Variants in TANC1 observed in about 807,000 individuals in gnomAD.
The protein encoded by TANC1 is protein TANC1.
Under a neutral mutation model 149.7 loss-of-function variants are expected in TANC1, and 77 were observed. That is an observed-to-expected ratio of 0.51 (90% CI 0.43 to 0.62). The LOEUF (loss-of-function observed/expected upper bound fraction) is 0.62, where lower values mean the gene tolerates loss of function less well. Ranked by LOEUF, TANC1 falls within the 20% of genes least tolerant of loss-of-function variation. The probability of loss-of-function intolerance (pLI) is 0.00; values close to 1 mark genes in which losing one functional copy is unlikely to be tolerated. For synonymous variants in TANC1, 854 were observed against 925.0 expected, an observed-to-expected ratio of 0.92 and a Z score of 1.39; for missense variants, 1,985 against 2,321.8, an observed-to-expected ratio of 0.85 and a Z score of 2.98.
intron 1 of TANC1, among the ~76,000 whole-genome samples, chr2:158,996,768 G>T (rs950942148): frequency 6.6e-6 from 1 of 152,138 alleles, no homozygotes; most frequent in East Asian, 1.9e-4. Flanking sequence ...AGGGATACAC[G>T]TAGACATAAG....
chr2:159,158,883 G>A (rs1050419286), intron 7 of TANC1, among the ~76,000 whole-genome samples: 1 of 152,234 alleles, frequency 6.6e-6, no homozygotes, highest in African/African-American at 2.4e-5. Flanking sequence ...AGAAGCCAAG[G>A]TTGCAGCAAG....
chr2:158,998,777 A>C (rs934861553), intron 1 of TANC1, among the ~76,000 whole-genome samples: 1 of 152,198 alleles, frequency 6.6e-6, no homozygotes, highest in Non-Finnish European at 1.5e-5. Context: ...CTGAGCTACT[A>C]AAGTTGTAAT....
At chr2:159,065,125 T>C (rs190773646) in intron 2 of TANC1, among the ~76,000 whole-genome samples, 2 of 152,338 alleles carry the variant, frequency 1.3e-5, no homozygotes, top group Admixed American at 6.5e-5. Context: ...AATGGTCCTT[T>C]TGTCTGTCTC....
intron 17 of TANC1, 86 bp from the exon 18 acceptor site, chr2:159,196,522 G>C: frequency 1.7e-6 from 2 of 1,154,584 alleles, no homozygotes; most frequent in Non-Finnish European, 2.5e-6. Flanking sequence ...ACAGGGAGTG[G>C]GGTTTGCACA....
intron 2 of TANC1, among the ~76,000 whole-genome samples, chr2:159,002,957 C>T (rs2036758186): frequency 6.6e-6 from 1 of 152,220 alleles, no homozygotes; most frequent in African/African-American, 2.4e-5. Context: ...TTGCAGCTAT[C>T]AGACATGCAG....
In TANC1 at chr2:159,023,695, A is replaced by C. The variant is rs181010390; in HGVS notation, c.-16+22506A>C. Among the ~76,000 whole-genome samples the C allele has an allele frequency of 2.6e-3, 401 of 152,126 alleles. 3 individuals are homozygous for C. The highest frequency in any genetic ancestry group is 9.0e-3 in the African/African-American group (375 of 41,536). The stretch of plus-strand genomic sequence containing the variant: ...AATTGTCAAAAATAAGGCCAAGTGC[A>C]GTGGCTCACGCCTGTAATCCCAGCA... On this transcript the variant is annotated intron_variant, in intron 2 of 26. Transcript: ENST00000263635.
At chr2:158,992,825 A>G (rs767598867) in intron 1 of TANC1, among the ~76,000 whole-genome samples, 29 of 152,032 alleles carry the variant, frequency 1.9e-4, no homozygotes, top group Non-Finnish European at 4.0e-4. Flanking sequence ...CGGACTGTGT[A>G]ATATATTTCA....
chr2:159,150,629 A>G, intron 7 of TANC1, 73 bp downstream of exon 7: 2 of 1,217,384 alleles, frequency 1.6e-6, no homozygotes, highest in Non-Finnish European at 2.4e-6. Context: ...GCACTTCCTC[A>G]GAGGGTTTTA....
Position 159,231,284 on chromosome 2 carries a change from G to T in TANC1, c.*272G>T. The T allele has an allele frequency of 6.3e-6, 2 of 316,394 alleles. No homozygotes were observed. The highest frequency in any genetic ancestry group is 1.2e-5 in the Non-Finnish European group (2 of 172,456). The allele number at this position is 316,394 out of a possible 1,614,324, so 19.6% of individuals were successfully genotyped here. Reference sequence around the variant, plus strand: ...ATTAATGACTCTCACTTATGAAATTGTTTGGCTTTTGCCACTTTCTTCCTT... The same window carrying T: ...ATTAATGACTCTCACTTATGAAATTTTTTGGCTTTTGCCACTTTCTTCCTT... On this transcript the variant is annotated 3_prime_UTR_variant, in exon 27 of 27. Coordinates refer to ENST00000263635, the MANE Select transcript of TANC1 (RefSeq NM_033394.3).
At chr2:159,184,138 C>G (rs1426955079) in intron 14 of TANC1, among the ~76,000 whole-genome samples, 1 of 152,194 alleles carries the variant, frequency 6.6e-6, no homozygotes, top group Non-Finnish European at 1.5e-5. Flanking sequence ...TCTGTTTCTT[C>G]ATATAAGCAT....
chr2:158,999,824 C>CGCAAT (rs1481920625), intron 1 of TANC1, among the ~76,000 whole-genome samples: 1 of 152,158 alleles, frequency 6.6e-6, no homozygotes, highest in Admixed American at 6.5e-5. Flanking sequence ...CACTTTGATT[C>CGCAAT]GCAATGGACA....
intron 2 of TANC1, among the ~76,000 whole-genome samples, chr2:159,046,205 A>G (rs1285814781): frequency 6.6e-6 from 1 of 152,208 alleles, no homozygotes; most frequent in South Asian, 2.1e-4. Flanking sequence ...CTTAATAGCA[A>G]AAATCATGTT....
chr2:159,162,953 G>C (rs1179990999), intron 7 of TANC1, among the ~76,000 whole-genome samples: 20 of 152,108 alleles, frequency 1.3e-4, no homozygotes, highest in Admixed American at 1.3e-3. Context: ...TCTTTTGTGA[G>C]TAATCTTTGT....
intron 2 of TANC1, among the ~76,000 whole-genome samples, chr2:159,037,035 T>C (rs1280899508): frequency 6.6e-6 from 1 of 152,204 alleles, no homozygotes; most frequent in African/African-American, 2.4e-5. Context: ...TTTCCTGACT[T>C]TTTAATGATC....
intron 4 of TANC1, among the ~76,000 whole-genome samples, chr2:159,118,152 C>T (rs1316326152): frequency 6.6e-6 from 1 of 152,192 alleles, no homozygotes; most frequent in Non-Finnish European, 1.5e-5. Flanking sequence ...ACTTCGATCA[C>T]CTGGCCAACG....
At chr2:159,216,063 G>A (rs1392435575) in intron 19 of TANC1, among the ~76,000 whole-genome samples, 2 of 152,164 alleles carry the variant, frequency 1.3e-5, no homozygotes, top group African/African-American at 2.4e-5. Context: ...CTTACTCGTA[G>A]CGTCAGCCTG....
intron 13 of TANC1, among the ~76,000 whole-genome samples, 179 bp downstream of exon 13, chr2:159,176,697 G>T (rs1283247985): frequency 6.6e-6 from 1 of 152,122 alleles, no homozygotes; most frequent in African/African-American, 2.4e-5. Context: ...TTTAGCCCCA[G>T]GTATATTTAT....
At chr2:159,081,199 A>G (rs1393210633) in intron 3 of TANC1, among the ~76,000 whole-genome samples, 1 of 152,172 alleles carries the variant, frequency 6.6e-6, no homozygotes, top group Non-Finnish European at 1.5e-5. Context: ...CAAGGAAGAA[A>G]ATTGGCTATC....
intron 2 of TANC1, among the ~76,000 whole-genome samples, chr2:159,026,294 G>C (rs531925309): frequency 3.3e-5 from 5 of 152,296 alleles, no homozygotes; most frequent in East Asian, 3.9e-4. Flanking sequence ...AAAAGCTGTT[G>C]CCTAGCATGC....
Sources: gnomAD v4.1 joint callset for allele counts (sites outside exome capture counted in the v4.1 genomes callset) on GRCh38, gnomAD v4.1.1 for gene constraint, MANE v1.5 for transcripts, NCBI Gene and HGNC (gene_info 2026-07-23, HGNC 2026-07-21) for gene names.